DYNC1I1: variants seen among roughly 807,000 people sequenced by gnomAD.
DYNC1I1 encodes dynein cytoplasmic 1 intermediate chain 1.
In DYNC1I1, 43 loss-of-function variants were observed where a neutral mutation model predicts 86.6. That is an observed-to-expected ratio of 0.50 (90% CI 0.39 to 0.64). The LOEUF (loss-of-function observed/expected upper bound fraction) is 0.64, where lower values mean the gene tolerates loss of function less well. Ranked by LOEUF, DYNC1I1 falls within the 30% of genes least tolerant of loss-of-function variation. The pLI, the probability that DYNC1I1 is intolerant of heterozygous loss-of-function variation, is 0.00. For synonymous variants in DYNC1I1, 262 were observed against 283.7 expected (o/e 0.92, Z 0.77); for missense variants, 604 against 788.8 (o/e 0.77, Z 2.81).
intron 10 of DYNC1I1, among the ~76,000 whole-genome samples, chr7:96,004,580 T>G (rs2115810923): frequency 6.6e-6 from 1 of 152,104 alleles, no homozygotes; most frequent in South Asian, 2.1e-4. Context: ...AAATATAGTC[T>G]TCTGAAAACT....
intron 5 of DYNC1I1, among the ~76,000 whole-genome samples, chr7:95,865,527 G>GTT (rs1240403518): frequency 1.3e-5 from 2 of 152,156 alleles, no homozygotes; most frequent in Non-Finnish European, 2.9e-5. Context: ...GGATAAATAA[G>GTT]TATCTTTGCA....
rs541479535 is a variant in DYNC1I1 at position 95,989,954 on chromosome 7, A to G, written c.843+2799A>G. Among the ~76,000 whole-genome samples, 33 of 152,304 alleles carry G rather than the reference A, an allele frequency of 2.2e-4. No homozygotes were observed. The South Asian group carries it at 5.4e-3, about 25-fold the overall frequency. On this transcript the variant is annotated intron_variant, in intron 9 of 16. Coordinates refer to ENST00000447467, the MANE Select transcript of DYNC1I1 (RefSeq NM_001135556.2). ...TGCAATCGAATGATATTAAGAAAGA[A>G]GAGAGATAGAGGAACAGTCTTGGTG...
chr7:95,916,074 C>T (rs985810827), intron 6 of DYNC1I1, among the ~76,000 whole-genome samples: 1 of 152,174 alleles, frequency 6.6e-6, no homozygotes, highest in Non-Finnish European at 1.5e-5. Context: ...ATATGCCCAG[C>T]ACTATACCAT....
At chr7:95,932,183 A>T (rs1443643898) in intron 6 of DYNC1I1, among the ~76,000 whole-genome samples, 1 of 152,198 alleles carries the variant, frequency 6.6e-6, no homozygotes, top group African/African-American at 2.4e-5. Context: ...TTATTTTATC[A>T]TCTCCTATGG....
chr7:96,054,573 AATGGTTGAACTAATTT>A (rs1484024724), intron 14 of DYNC1I1, among the ~76,000 whole-genome samples: 2 of 152,186 alleles, frequency 1.3e-5, no homozygotes, highest in East Asian at 3.8e-4. Context: ...TGTCTTCCAC[AATGGTTGAACTAATTT>A]ACACTCCCAC....
intron 6 of DYNC1I1, among the ~76,000 whole-genome samples, chr7:95,885,164 TTTC>T (rs561129715): frequency 4.6e-4 from 70 of 152,268 alleles, no homozygotes; most frequent in East Asian, 3.1e-3. Flanking sequence ...TTGTGAGATG[TTTC>T]TTCTTCTTCT....
chr7:96,103,860 C>T (rs1791174050), intron 16 of DYNC1I1, among the ~76,000 whole-genome samples: 1 of 152,208 alleles, frequency 6.6e-6, no homozygotes, highest in African/African-American at 2.4e-5. Flanking sequence ...GATCCACCCG[C>T]CTCAGCCTCC....
intron 14 of DYNC1I1, among the ~76,000 whole-genome samples, chr7:96,070,514 C>G (rs1020114708): frequency 6.6e-6 from 1 of 152,030 alleles, no homozygotes; most frequent in Non-Finnish European, 1.5e-5. Flanking sequence ...ATCATTTTTC[C>G]CAACAGGATA....
chr7:95,944,878 T>TG (rs1792351425), intron 6 of DYNC1I1, among the ~76,000 whole-genome samples: 1 of 94,176 alleles, frequency 1.1e-5, no homozygotes, highest in Admixed American at 1.5e-4. Context: ...TGTTGTGGGG[T>TG]TGGGGGAGGG....
intron 12 of DYNC1I1, among the ~76,000 whole-genome samples, chr7:96,033,586 GA>G (rs1197037864): frequency 5.9e-5 from 9 of 152,110 alleles, no homozygotes; most frequent in African/African-American, 2.2e-4. Context: ...AAAATGTAAG[GA>G]AACATGGAGA....
intron 6 of DYNC1I1, among the ~76,000 whole-genome samples, chr7:95,907,120 G>A (rs1251632645): frequency 2.0e-5 from 3 of 151,820 alleles, no homozygotes; most frequent in South Asian, 2.1e-4. Context: ...CTTTGAAATC[G>A]GCAGCTCAGT....
chr7:95,900,300 A>C (rs752999509), intron 6 of DYNC1I1, among the ~76,000 whole-genome samples: 19 of 152,272 alleles, frequency 1.2e-4, no homozygotes, highest in Admixed American at 6.5e-4. Flanking sequence ...AAACCATTGC[A>C]AAACAACCCA....
intron 6 of DYNC1I1, among the ~76,000 whole-genome samples, chr7:95,902,443 T>G (rs1420867094): frequency 6.6e-6 from 1 of 152,184 alleles, no homozygotes; most frequent in African/African-American, 2.4e-5. Context: ...AGCATGATGT[T>G]CTACAGCACA....
chr7:95,777,248 T>C (rs1040801587), intron 1 of DYNC1I1, among the ~76,000 whole-genome samples: 1 of 152,084 alleles, frequency 6.6e-6, no homozygotes, highest in Admixed American at 6.5e-5. Context: ...TTAAGGTGAG[T>C]TGAAACTCCA....
At chr7:96,000,835 T>C (rs1793992731) in intron 10 of DYNC1I1, among the ~76,000 whole-genome samples, 2 of 152,274 alleles carry the variant, frequency 1.3e-5, no homozygotes, top group South Asian at 2.1e-4. Context: ...AAAGAGATTG[T>C]ATTGTAGGTG....
chr7:96,097,607 C>A lies in DYNC1I1; in HGVS notation c.*14C>A, dbSNP rs1360819891. The A allele has an allele frequency of 6.8e-6, 11 of 1,613,206 alleles. No individual in the cohort carries two copies. Among genetic ancestry groups the A allele is most frequent in the Admixed American group, 6.7e-5 (4 of 59,926 alleles). ...TTATCTGCCTAGTGGAAATGAGCCA[C>A]CCCCACTGCAGCCCCCACCTTTGTG... On this transcript the variant is annotated 3_prime_UTR_variant, in exon 17 of 17. Coordinates refer to ENST00000447467, the MANE Select transcript of DYNC1I1 (RefSeq NM_001135556.2).
At chr7:95,995,893 T>G in intron 9 of DYNC1I1, 55 bp from the exon 10 acceptor site, 1 of 1,540,616 alleles carries the variant, frequency 6.5e-7, no homozygotes, top group South Asian at 1.3e-5. Context: ...AATAACAAAG[T>G]TTTCCTTGTG....
intron 5 of DYNC1I1, among the ~76,000 whole-genome samples, chr7:95,829,835 C>T (rs940440808): frequency 2.0e-5 from 3 of 152,002 alleles, no homozygotes; most frequent in African/African-American, 4.8e-5. Flanking sequence ...AAATACAAAC[C>T]GATATACCCC....
At chr7:95,995,249 A>AAAATAAAT (rs71127433) in intron 9 of DYNC1I1, among the ~76,000 whole-genome samples, 60,942 of 142,892 alleles carry the variant, frequency 0.43, 13,566 homozygotes, top group East Asian at 0.54. Flanking sequence ...TCCATCTCAA[A>AAAATAAAT]AAATAAATAA....
Sources: allele counts gnomAD v4.1 joint callset (sites outside exome capture counted in the v4.1 genomes callset), GRCh38; gene constraint gnomAD v4.1.1; transcripts MANE v1.5; gene names NCBI Gene and HGNC (gene_info 2026-07-23, HGNC 2026-07-21).